The following TMEM161A variants were observed in gnomAD, a reference collection of about 807,000 sequenced individuals.
The protein encoded by TMEM161A is adaptive response to oxidative stress protein 29.
TMEM161A carries 46 observed loss-of-function variants against 57.1 expected under a neutral mutation model. The observed-to-expected ratio is 0.81, with a 90% CI of 0.64 to 1.03. TMEM161A has a LOEUF of 1.03. TMEM161A is among the 50% of genes least tolerant of loss of function. The pLI is 0.00. For synonymous variants in TMEM161A, 288 were observed against 279.0 expected, an observed-to-expected ratio of 1.03 and a Z score of -0.32; for missense variants, 601 against 621.5, an observed-to-expected ratio of 0.97 and a Z score of 0.35.
chr19:19,122,714 T>G lies in TMEM161A; in HGVS notation c.596-895A>C, dbSNP rs553792370. ...TGGGTTGAGCCCAGGATGTGGAAGT[T>G]GCAGTGAGCTGAGATCATGCCACTG... On this transcript the variant is annotated intron_variant, in intron 6 of 11. Coordinates refer to ENST00000162044, the MANE Select transcript of TMEM161A (RefSeq NM_017814.3). Among the ~76,000 whole-genome samples, 3 of 140,286 alleles carry G rather than the reference T, an allele frequency of 2.1e-5. No homozygotes were observed. In the East Asian group the frequency reaches 6.3e-4, roughly 30 times the overall value. 92.0% of individuals were successfully genotyped at this position (140,286 alleles called of 152,430 possible). A position where few individuals can be genotyped will look rare whatever the true frequency, so the allele number is the denominator to read the frequency against.
chr19:19,127,402 C>T (rs903498193), intron 6 of TMEM161A, among the ~76,000 whole-genome samples: 5 of 149,886 alleles, frequency 3.3e-5, no homozygotes, highest in Non-Finnish European at 5.9e-5. Flanking sequence ...TCACTGCAAG[C>T]GCCGCCTCCT....
chr19:19,121,929 A>C lies in TMEM161A; in HGVS notation c.596-110T>G. 1 of 1,269,042 alleles carries C rather than the reference A, an allele frequency of 7.9e-7. No homozygotes were observed. The highest frequency in any genetic ancestry group is 1.1e-6 in the Non-Finnish European group (1 of 907,168). 78.6% of individuals were successfully genotyped at this position (1,269,042 alleles called of 1,614,324 possible). A position where few individuals can be genotyped will look rare whatever the true frequency, so the allele number is the denominator to read the frequency against. On this transcript the variant is annotated intron_variant, in intron 6 of 11. Transcript: ENST00000162044. This position sits in a 1 kb window ranked among gnomAD's most constrained non-coding sequence, Gnocchi z 5.8. ...GCATCCGTTTGCTTCCCAAGTAGGA[A>C]TGAACAAGGGTCTGCCAGGCCCTGA...
At chr19:19,127,806 G>A (rs2059938395) in intron 6 of TMEM161A, among the ~76,000 whole-genome samples, 1 of 152,004 alleles carries the variant, frequency 6.6e-6, no homozygotes, top group African/African-American at 2.4e-5. Context: ...CAGGTGTGGT[G>A]GCATGTGCCT....
chr19:19,131,505 TATACAC>T (rs781341172), intron 5 of TMEM161A, among the ~76,000 whole-genome samples: 1 of 101,930 alleles, frequency 9.8e-6, no homozygotes, highest in East Asian at 2.5e-4. Context: ...TATATATATA[TATACAC>T]ACACACACAC....
chr19:19,134,340 G>C (rs1424294822), intron 2 of TMEM161A, among the ~76,000 whole-genome samples: 1 of 152,124 alleles, frequency 6.6e-6, no homozygotes, highest in African/African-American at 2.4e-5. Flanking sequence ...GGGAACTCAC[G>C]CCTGTAATCC....
rs775927582 is a variant in TMEM161A at position 19,130,136 on chromosome 19, A to G, written c.595+20T>C. The G allele has an allele frequency of 1.2e-6, 2 of 1,611,282 alleles. No individual in the cohort carries two copies. Among genetic ancestry groups the G allele is most frequent in the African/African-American group, 2.7e-5 (2 of 74,932 alleles). Reference sequence around the variant, plus strand: ...AGGGAGTGACAGCTGCGGTGGCCCCACGTTGGGGGCTGCACTTACCAGGCT... The same window carrying G: ...AGGGAGTGACAGCTGCGGTGGCCCCGCGTTGGGGGCTGCACTTACCAGGCT... On this transcript the variant is annotated intron_variant, in intron 6 of 11. Coordinates refer to ENST00000162044, the MANE Select transcript of TMEM161A (RefSeq NM_017814.3).
In TMEM161A at chr19:19,132,040, C is replaced by T. The variant is rs1360774207; in HGVS notation, c.443+312G>A. Among the ~76,000 whole-genome samples the T allele has an allele frequency of 6.6e-6, 1 of 152,150 alleles. No homozygotes were observed. The highest frequency in any genetic ancestry group is 2.4e-5 in the African/African-American group (1 of 41,434). On this transcript the variant is annotated intron_variant, in intron 5 of 11. Coordinates refer to ENST00000162044, the MANE Select transcript of TMEM161A (RefSeq NM_017814.3). The surrounding 1 kb of genome is among the most constrained non-coding windows in gnomAD (Gnocchi z 4.3). ...GGACTGGCCTGGTGATTTCCTTAAA[C>T]AAGGAGAATGTGGTAGAAAGAATAG...
chr19:19,119,592 C>G lies in TMEM161A; in HGVS notation c.*338G>C. On this transcript the variant is annotated 3_prime_UTR_variant, in exon 12 of 12. Transcript: ENST00000162044. Reference sequence around the variant, plus strand: ...AGACAGCTACCACCCTGCACAAGCCCGAGTCCCAAACCACTCAGACCCTGT... The same window carrying G: ...AGACAGCTACCACCCTGCACAAGCCGGAGTCCCAAACCACTCAGACCCTGT... 3.2e-6 allele frequency: 1 copy of G among 314,632 alleles called. No homozygotes were observed. The highest frequency in any genetic ancestry group is 6.2e-6 in the Non-Finnish European group (1 of 161,320). The allele number at this position is 314,632 out of a possible 1,614,324, so 19.5% of individuals were successfully genotyped here. A position where few individuals can be genotyped will look rare whatever the true frequency, so the allele number is the denominator to read the frequency against.
chr19:19,122,566 C>T (rs185448093), intron 6 of TMEM161A, among the ~76,000 whole-genome samples: 15 of 151,898 alleles, frequency 9.9e-5, no homozygotes, highest in Admixed American at 2.0e-4. Flanking sequence ...ATCGTTTGAG[C>T]TCACAAGTTT....
Position 19,138,456 on chromosome 19 carries a change from C to T in TMEM161A, c.-28G>A, listed in dbSNP as rs200866396. 6.9e-6 allele frequency: 11 copies of T among 1,595,914 alleles called. No individual in the cohort carries two copies. The highest frequency in any genetic ancestry group is 1.7e-5 in the Admixed American group (1 of 58,248). On this transcript the variant is annotated 5_prime_UTR_variant, in exon 1 of 12. In the 5' UTR this introduces an upstream ATG that the reference lacks. Coordinates refer to ENST00000162044, the MANE Select transcript of TMEM161A (RefSeq NM_017814.3). The stretch of plus-strand genomic sequence containing the variant: ...CGCGTGCGAGAACGCGGTGCACTCA[C>T]CCACCGGCCTAGGGCTCCGGGCACT...
At chr19:19,120,675 C>T in intron 11 of TMEM161A, 90 bp downstream of exon 11, 1 of 1,255,390 alleles carries the variant, frequency 8.0e-7, no homozygotes, top group Non-Finnish European at 1.1e-6. Context: ...CGCCTCTCCC[C>T]CCCCACCGCG....
chr19:19,121,904 G>A lies in TMEM161A; in HGVS notation c.596-85C>T, dbSNP rs138443606. ...TGTTCCCTAACCCCCCATCCCTCAG[G>A]CATCCGTTTGCTTCCCAAGTAGGAA... is the stretch of plus-strand genomic sequence containing the variant. On this transcript the variant is annotated intron_variant, in intron 6 of 11. Transcript: ENST00000162044. This position sits in a 1 kb window ranked among gnomAD's most constrained non-coding sequence, Gnocchi z 5.8. 6.8e-7 allele frequency: 1 copy of A among 1,460,366 alleles called. No individual in the cohort carries two copies. The highest frequency in any genetic ancestry group is 9.4e-7 in the Non-Finnish European group (1 of 1,066,582). 90.5% of individuals were successfully genotyped at this position (1,460,366 alleles called of 1,614,324 possible).
chr19:19,121,215 C>A lies in TMEM161A; in HGVS notation c.915-49G>T. ...AGGGACTAAGAAGGTCGCCCCCGACCCCCCAGGATCTTCCCCAGGCTCCTC... is the reference window on the plus strand; with the variant it reads ...AGGGACTAAGAAGGTCGCCCCCGACACCCCAGGATCTTCCCCAGGCTCCTC... On this transcript the variant is annotated intron_variant, in intron 9 of 11. Transcript: ENST00000162044. This position sits in a 1 kb window ranked among gnomAD's most constrained non-coding sequence, Gnocchi z 5.8. The A allele has an allele frequency of 1.3e-6, 2 of 1,551,724 alleles. No individual in the cohort carries two copies. Among genetic ancestry groups the A allele is most frequent in the African/African-American group, 1.4e-5 (1 of 73,480 alleles).
intron 6 of TMEM161A, among the ~76,000 whole-genome samples, chr19:19,127,932 C>T (rs1486232969): frequency 1.3e-5 from 2 of 151,858 alleles, no homozygotes; most frequent in African/African-American, 4.8e-5. Context: ...AGAGTGAGAT[C>T]CTGTCTCAAA....
Position 19,132,451 on chromosome 19 carries a change from C to T in TMEM161A, c.344G>A (p.Gly115Asp), listed in dbSNP as rs2059963390. Residue 115 changes from glycine to aspartate, a missense_variant, in exon 5 of 12, where the codon GGC (glycine) becomes GAC (aspartate). Transcript: ENST00000162044. The surrounding 1 kb of genome is among the most constrained non-coding windows in gnomAD (Gnocchi z 4.3). ...WFVDFAVYSG[G>D]VYLFTEAYYY... ...GTAGGCCTCTGTGAAGAGGTACACGCCGCCCGAGTACACAGCAAAGTCCAC... is the reference window on the plus strand; with the variant it reads ...GTAGGCCTCTGTGAAGAGGTACACGTCGCCCGAGTACACAGCAAAGTCCAC... The T allele has an allele frequency of 1.9e-6, 3 of 1,614,164 alleles. No individual in the cohort carries two copies. The highest frequency in any genetic ancestry group is 2.5e-6 in the Non-Finnish European group (3 of 1,180,026).
rs959486769 is a variant in TMEM161A, at chr19:19,121,583, G to A, written c.742C>T (p.Arg248Trp). 6.2e-6 allele frequency: 10 copies of A among 1,613,778 alleles called. No homozygotes were observed. Among genetic ancestry groups the A allele is most frequent in the South Asian group, 1.1e-5 (1 of 91,092 alleles). The change falls in exon 8 of 12, where the codon CGG becomes TGG. Residue 248 changes from arginine to tryptophan, a missense_variant. Transcript: ENST00000162044. This position sits in a 1 kb window ranked among gnomAD's most constrained non-coding sequence, Gnocchi z 5.8. ...GCGTCCCGGTGGGTCTGGGCCAGCC[G>A]CAGGCCTGGGAAGGTGAGGAAGGCA... The part of the protein sequence containing the change: ...LGAFLTFPGL[R>W]LAQTHRDALT...
At chr19:19,125,751 C>T (rs561546733) in intron 6 of TMEM161A, among the ~76,000 whole-genome samples, 5 of 152,026 alleles carry the variant, frequency 3.3e-5, no homozygotes, top group African/African-American at 4.8e-5. Flanking sequence ...CTGCCGACCT[C>T]GTGATGTGCC....
Position 19,133,150 on chromosome 19 carries a change from C to T in TMEM161A, c.168G>A (p.Arg56=), listed in dbSNP as rs926475445. Residue 56 remains arginine, a synonymous_variant, in exon 3 of 12, where the codon AGG becomes AGA. Coordinates refer to ENST00000162044, the MANE Select transcript of TMEM161A (RefSeq NM_017814.3). The part of the protein sequence containing the change: ...EELRALAGKP[R]PRGRKERWAN... The stretch of plus-strand genomic sequence containing the variant: ...CTCACCGCTCTTTCCTGCCTCTGGG[C>T]CTCGGCTTCCCCGCCAGGGCCCGAA... The T allele has an allele frequency of 6.2e-7, 1 of 1,614,000 alleles. No individual in the cohort carries two copies. The highest frequency in any genetic ancestry group is 1.7e-5 in the Admixed American group (1 of 59,996).
intron 2 of TMEM161A, 33 bp downstream of exon 2, chr19:19,134,751 G>A (rs1034952255): frequency 1.3e-6 from 2 of 1,501,998 alleles, no homozygotes; most frequent in East Asian, 2.5e-5. Context: ...GCGTGACTCC[G>A]CGGGCCCCTC....
Sources: gnomAD v4.1 joint callset for allele counts (sites outside exome capture counted in the v4.1 genomes callset) on GRCh38, gnomAD v4.1.1 for gene constraint, Gnocchi (gnomAD v3.1) non-coding constraint, MANE v1.5 for transcripts, NCBI Gene and HGNC (gene_info 2026-07-23, HGNC 2026-07-21) for gene names.